RPL19: variants seen among roughly 807,000 people sequenced by gnomAD.
RPL19 encodes large ribosomal subunit protein eL19.
Under a neutral mutation model 25.1 loss-of-function variants are expected in RPL19, and 2 were observed. The observed-to-expected ratio is 0.08, with a 90% CI of 0.03 to 0.25. The LOEUF is 0.25. RPL19 is among the 10% of genes least tolerant of loss of function. The probability of loss-of-function intolerance (pLI) is 1.00; values close to 1 mark genes in which losing one functional copy is unlikely to be tolerated. For missense variants in RPL19, 123 were observed against 271.8 expected (o/e 0.45, Z 3.85); for synonymous variants, 89 against 91.2 (o/e 0.98, Z 0.14).
intron 4 of RPL19, 136 bp downstream of exon 4, chr17:39,203,245 G>A (rs888544069): frequency 4.8e-5 from 43 of 890,610 alleles, no homozygotes; most frequent in East Asian, 3.2e-4. Flanking sequence ...GCAGTGGCGC[G>A]ATCTCAGCTC....
intron 4 of RPL19, 133 bp downstream of exon 4, chr17:39,203,242 C>G (rs530083699): frequency 1.1e-6 from 1 of 914,224 alleles, no homozygotes; most frequent in East Asian, 2.7e-5. Context: ...AGTGCAGTGG[C>G]GCGATCTCAG....
At position 39,201,252 on chromosome 17, in the gene RPL19, C is replaced by T; in HGVS notation, c.45C>T (p.Leu15=). ...RLQKRLASSV[L]RCGKKKVWLD... is the part of the protein sequence containing the mutation. ...AGAAGAGGCTCGCCTCTAGTGTCCT[C>T]CGCTGTGGCAAGAAGAAGGTCTGGT... is the stretch of plus-strand genomic sequence containing the variant. Residue 15 remains leucine, a synonymous_variant, in exon 2 of 6, where the codon CTC becomes CTT. Coordinates refer to ENST00000225430, the MANE Select transcript of RPL19 (RefSeq NM_000981.4). 6.2e-7 allele frequency: 1 copy of T among 1,613,488 alleles called. No individual in the cohort carries two copies. Among genetic ancestry groups the T allele is most frequent in the Non-Finnish European group, 8.5e-7 (1 of 1,179,858 alleles).
chr17:39,200,559 C>T (rs2046279398), intron 1 of RPL19: 2 of 1,297,050 alleles, frequency 1.5e-6, no homozygotes, highest in Non-Finnish European at 9.8e-7. Context: ...CAGGAAAAGT[C>T]TGCCCCGGCT....
chr17:39,201,019 T>C, intron 1 of RPL19, 194 bp from the exon 2 acceptor site: 1 of 533,056 alleles, frequency 1.9e-6, no homozygotes. Context: ...CTCCGAGAGG[T>C]GAAGGCATAG....
intron 3 of RPL19, 83 bp downstream of exon 3, chr17:39,202,522 T>A (rs2046298370): frequency 6.6e-7 from 1 of 1,525,472 alleles, no homozygotes; most frequent in African/African-American, 1.4e-5. Context: ...GCACTCTGTC[T>A]CATCTTGAGC....
At chr17:39,204,037 C>T (rs1465177110) in intron 4 of RPL19, 40 bp from the exon 5 acceptor site, 1 of 1,151,108 alleles carries the variant, frequency 8.7e-7, no homozygotes, top group South Asian at 1.2e-5. Flanking sequence ...GCCTCTGATC[C>T]ATCACCAACC....
intron 3 of RPL19, chr17:39,202,748 C>CCCACATTAT: frequency 1.7e-6 from 1 of 603,608 alleles, no homozygotes. Context: ...GCCTGTTACA[C>CCCACATTAT]CCACATTCTG....
intron 1 of RPL19, chr17:39,200,561 GC>G: frequency 7.7e-7 from 1 of 1,296,204 alleles, no homozygotes; most frequent in Non-Finnish European, 9.8e-7. Context: ...GGAAAAGTCT[GC>G]CCCGGCTGGT....
chr17:39,204,215 A>G, intron 5 of RPL19, 28 bp downstream of exon 5: 1 of 1,357,780 alleles, frequency 7.4e-7, no homozygotes. Context: ...GTCTTAGGGG[A>G]ACATTCTTAG....
intron 1 of RPL19, 129 bp from the exon 2 acceptor site, chr17:39,201,084 A>G: frequency 2.8e-6 from 2 of 705,782 alleles, no homozygotes; most frequent in Middle Eastern, 8.0e-4. Context: ...CCAGAGCCTT[A>G]AAGATGATTT....
chr17:39,204,052 T>C, intron 4 of RPL19, 25 bp from the exon 5 acceptor site: 1 of 1,347,422 alleles, frequency 7.4e-7, no homozygotes, highest in East Asian at 2.3e-5. Context: ...CCAACCAGCA[T>C]CTCTTCACTC....
chr17:39,204,099 G>C lies in RPL19; in HGVS notation c.379G>C (p.Val127Leu). Reference protein sequence around the residue: ...RHMYHSLYLKVKGNVFKNKRI... With the variant: ...RHMYHSLYLKLKGNVFKNKRI... ...CAGGTATCACAGCCTGTACCTGAAG[G>C]TGAAGGGGAATGTGTTCAAAAACAA... Residue 127 changes from valine to leucine, a missense_variant, in exon 5 of 6, where the codon GTG becomes CTG. Val to Leu is a conservative substitution (Grantham distance 32, BLOSUM62 1). Coordinates refer to ENST00000225430, the MANE Select transcript of RPL19 (RefSeq NM_000981.4). 1 of 1,611,164 alleles carries C rather than the reference G, an allele frequency of 6.2e-7. No homozygotes were observed. The highest frequency in any genetic ancestry group is 8.5e-7 in the Non-Finnish European group (1 of 1,177,396).
chr17:39,201,156 G>A lies in RPL19; in HGVS notation c.6-57G>A, dbSNP rs2046285063. ...ACAAAGGGCAGGTCTTGATGGGGAC[G>A]TTCATTCTTGCCCAGGATTGGCTTT... On this transcript the variant is annotated intron_variant, in intron 1 of 5. Coordinates refer to ENST00000225430, the MANE Select transcript of RPL19 (RefSeq NM_000981.4). 2.5e-6 allele frequency: 3 copies of A among 1,179,664 alleles called. No homozygotes were observed. The South Asian group carries it at 3.8e-5, about 15-fold the overall frequency. 73.1% of individuals were successfully genotyped at this position (1,179,664 alleles called of 1,614,324 possible). A position where few individuals can be genotyped will look rare whatever the true frequency, so the allele number is the denominator to read the frequency against.
intron 1 of RPL19, 177 bp downstream of exon 1, chr17:39,200,526 G>A: frequency 1.5e-6 from 2 of 1,301,214 alleles, no homozygotes; most frequent in Non-Finnish European, 2.0e-6. Context: ...AGGGGGGGCG[G>A]GGAGCGTCGC....
At position 39,204,724 on chromosome 17, in the gene RPL19, C is replaced by G; in HGVS notation, c.*76C>G. The G allele has an allele frequency of 7.0e-7, 1 of 1,428,724 alleles. No homozygotes were observed. Among genetic ancestry groups the G allele is most frequent in the Non-Finnish European group, 9.6e-7 (1 of 1,036,954 alleles). The allele number at this position is 1,428,724 out of a possible 1,614,324, so 88.5% of individuals were successfully genotyped here. A position where few individuals can be genotyped will look rare whatever the true frequency, so the allele number is the denominator to read the frequency against. ...CCATTAAAATAAAACAAGCCTTAATCTGCCTTCCTCTCTGCTTCTTGCAAG... is the reference window on the plus strand; with the variant it reads ...CCATTAAAATAAAACAAGCCTTAATGTGCCTTCCTCTCTGCTTCTTGCAAG... On this transcript the variant is annotated 3_prime_UTR_variant, in exon 6 of 6. Transcript: ENST00000225430.
At chr17:39,203,291 C>T (rs961947706) in intron 4 of RPL19, among the ~76,000 whole-genome samples, 182 bp downstream of exon 4, 1 of 144,460 alleles carries the variant, frequency 6.9e-6, no homozygotes, top group African/African-American at 2.6e-5. Context: ...AAGTTATTCT[C>T]CTGCCTCAGC....
In RPL19 at chr17:39,200,365, T is replaced by G. The variant is rs759001049; in HGVS notation, c.5+16T>G. 1 of 1,565,746 alleles carries G rather than the reference T, an allele frequency of 6.4e-7. No homozygotes were observed. Among genetic ancestry groups the G allele is most frequent in the Non-Finnish European group, 8.6e-7 (1 of 1,158,066 alleles). ...CAGCCATGAGGTGAGGGCGAGCTGGTCTCCATCAGGCGCTGACGCGTGTCG... is the reference window on the plus strand; with the variant it reads ...CAGCCATGAGGTGAGGGCGAGCTGGGCTCCATCAGGCGCTGACGCGTGTCG... On this transcript the variant is annotated intron_variant, in intron 1 of 5. Coordinates refer to ENST00000225430, the MANE Select transcript of RPL19 (RefSeq NM_000981.4).
intron 1 of RPL19, 36 bp downstream of exon 1, chr17:39,200,385 G>A (rs2046277532): frequency 1.3e-6 from 2 of 1,545,868 alleles, no homozygotes; most frequent in Non-Finnish European, 1.7e-6. Flanking sequence ...GCGCTGACGC[G>A]TGTCGACAAG....
At chr17:39,203,168 C>T in intron 4 of RPL19, 59 bp downstream of exon 4, 3 of 1,206,974 alleles carry the variant, frequency 2.5e-6, no homozygotes, top group African/African-American at 1.6e-5. Context: ...AGTTCATTTC[C>T]CAGAGATTTT....
Sources: gnomAD v4.1 joint callset for allele counts (sites outside exome capture counted in the v4.1 genomes callset) on GRCh38, gnomAD v4.1.1 for gene constraint, MANE v1.5 for transcripts, NCBI Gene and HGNC (gene_info 2026-07-23, HGNC 2026-07-21) for gene names.